ATP9A: variants seen among roughly 807,000 people sequenced by gnomAD.
The protein encoded by ATP9A is probable phospholipid-transporting ATPase IIA.
In ATP9A, 52 loss-of-function variants were observed where a neutral mutation model predicts 144.1. The ratio of observed to expected loss-of-function variants is 0.36; its 90% CI spans 0.29 to 0.45. The LOEUF (loss-of-function observed/expected upper bound fraction) is 0.45. Ranked by LOEUF, ATP9A falls within the 20% of genes least tolerant of loss-of-function variation. ATP9A has a pLI of 1.00. For synonymous variants in ATP9A, 582 were observed against 557.4 expected (o/e 1.04, Z -0.62); for missense variants, 947 against 1,392.7 (o/e 0.68, Z 5.09).
intron 13 of ATP9A, among the ~76,000 whole-genome samples, chr20:51,658,262 C>T (rs1301021515): frequency 6.6e-6 from 1 of 152,078 alleles, no homozygotes; most frequent in Non-Finnish European, 1.5e-5. Context: ...GAGTTCAAGA[C>T]CAGCCTGCCG....
At chr20:51,727,322 A>G (rs1293282153) in intron 2 of ATP9A, among the ~76,000 whole-genome samples, 1 of 151,932 alleles carries the variant, frequency 6.6e-6, no homozygotes. Flanking sequence ...GTGGTGGTAC[A>G]TGCCTGTAAT....
rs57250019 is a variant in ATP9A, at chr20:51,600,846, A to AC, written c.*364_*365insG. On this transcript the variant is annotated 3_prime_UTR_variant, in exon 28 of 28. Transcript: ENST00000338821. ...CACACACACACACACACACACACAC[A>AC]AGCCTTCTACAACCTTCAGCTACAC... 224 of 179,282 alleles carry AC rather than the reference A, an allele frequency of 1.2e-3. 1 individual carries two copies. Among genetic ancestry groups the AC allele is most frequent in the Non-Finnish European group, 2.1e-3 (184 of 86,372 alleles). 11.1% of individuals were successfully genotyped at this position (179,282 alleles called of 1,614,324 possible).
chr20:51,767,078 T>A (rs1264015294), intron 1 of ATP9A, among the ~76,000 whole-genome samples: 1 of 56,410 alleles, frequency 1.8e-5, no homozygotes, highest in Non-Finnish European at 4.3e-5. Flanking sequence ...CCATTCTTTT[T>A]TTTTTTTTTT....
At chr20:51,730,550 G>C (rs2077736498) in intron 1 of ATP9A, among the ~76,000 whole-genome samples, 1 of 152,212 alleles carries the variant, frequency 6.6e-6, no homozygotes, top group African/African-American at 2.4e-5. Context: ...AAGCGACAAG[G>C]ATACGCTCTA....
At chr20:51,622,307 C>T (rs959593865) in intron 18 of ATP9A, 135 bp from the exon 19 acceptor site, 18 of 688,108 alleles carry the variant, frequency 2.6e-5, no homozygotes, top group Non-Finnish European at 4.0e-5. Context: ...CATGCTGTCC[C>T]CAACACAACA....
At chr20:51,660,855 A>C (rs1424175999) in intron 13 of ATP9A, among the ~76,000 whole-genome samples, 1 of 152,142 alleles carries the variant, frequency 6.6e-6, no homozygotes, top group Non-Finnish European at 1.5e-5. Flanking sequence ...ATTTCTTCTT[A>C]CTTAAAAAAT....
intron 18 of ATP9A, among the ~76,000 whole-genome samples, chr20:51,623,251 A>C (rs772195473): frequency 2.5e-4 from 38 of 152,210 alleles, no homozygotes; most frequent in Admixed American, 5.2e-4. Context: ...TTGAGGTAAG[A>C]GAACAAACAC....
intron 1 of ATP9A, among the ~76,000 whole-genome samples, chr20:51,757,581 C>A (rs929256855): frequency 4.6e-5 from 7 of 152,148 alleles, no homozygotes; most frequent in African/African-American, 1.7e-4. Flanking sequence ...CTGTCTTCCC[C>A]CAGAGTTTCT....
intron 4 of ATP9A, among the ~76,000 whole-genome samples, chr20:51,706,749 C>T (rs2077616208): frequency 6.6e-6 from 1 of 152,146 alleles, no homozygotes; most frequent in Admixed American, 6.5e-5. Flanking sequence ...AATCCCATTT[C>T]AAAAATAAAG....
At chr20:51,639,111 C>CA (rs1182569758) in intron 15 of ATP9A, among the ~76,000 whole-genome samples, 2 of 152,152 alleles carry the variant, frequency 1.3e-5, no homozygotes, top group Non-Finnish European at 2.9e-5. Flanking sequence ...CCCCAATGGA[C>CA]GTTCTCTTTA....
At chr20:51,649,504 G>A (rs6021346) in intron 14 of ATP9A, among the ~76,000 whole-genome samples, 38,109 of 152,140 alleles carry the variant, frequency 0.25, 5,198 homozygotes, top group Non-Finnish European at 0.3. Context: ...TCTCACTGCC[G>A]TCAGTACCAC....
intron 1 of ATP9A, among the ~76,000 whole-genome samples, chr20:51,739,148 C>T (rs1028062326): frequency 6.6e-6 from 1 of 152,058 alleles, no homozygotes; most frequent in Non-Finnish European, 1.5e-5. Context: ...AAGGTTGCCT[C>T]CCCCTTTCCC....
In ATP9A at chr20:51,712,952, G is replaced by C. The variant is rs1252761046; in HGVS notation, c.436+14C>G. ...TGAGCTGCAACCCTGTGGCCCAGGA[G>C]CCAGAAGGCTGACCTCGTGCTGTGA... On this transcript the variant is annotated intron_variant, in intron 4 of 27. Transcript: ENST00000338821. 6.3e-7 allele frequency: 1 copy of C among 1,597,820 alleles called. No homozygotes were observed. The highest frequency in any genetic ancestry group is 8.5e-7 in the Non-Finnish European group (1 of 1,171,170).
Position 51,690,800 on chromosome 20 carries a change from G to A in ATP9A, c.662C>T (p.Ser221Leu), listed in dbSNP as rs755462958. The part of the protein sequence containing the change: ...PTAADLLQIR[S>L]YVYAEEPNID... ...ATTTGGCTCTTCTGCGTACACATACGATCGAATCTGAAGAAGGTCCTGTTC... is the reference window on the plus strand; with the variant it reads ...ATTTGGCTCTTCTGCGTACACATACAATCGAATCTGAAGAAGGTCCTGTTC... The change falls in exon 8 of 28, where the codon TCG becomes TTG. Residue 221 changes from serine (S) to leucine (L), a missense_variant. By Grantham distance (145) the Ser-to-Leu change is moderately radical. This residue lies in a region of ATP9A where 770 missense variants were observed against 1,047.9 expected (regional missense o/e 0.73). Coordinates refer to ENST00000338821, the MANE Select transcript of ATP9A (RefSeq NM_006045.3). 10 of 1,614,092 alleles carry A rather than the reference G, an allele frequency of 6.2e-6. No homozygotes were observed. The highest frequency in any genetic ancestry group is 2.7e-5 in the African/African-American group (2 of 75,042).
chr20:51,766,146 A>C (rs893490828), intron 1 of ATP9A, among the ~76,000 whole-genome samples: 1 of 152,186 alleles, frequency 6.6e-6, no homozygotes, highest in Non-Finnish European at 1.5e-5. Flanking sequence ...TTTTTCTTTC[A>C]TGTACTGACT....
At position 51,627,659 on chromosome 20, in the gene ATP9A, G is replaced by A; in HGVS notation, c.1786C>T (p.Leu596=). 4 of 1,614,214 alleles carry A rather than the reference G, an allele frequency of 2.5e-6. No homozygotes were observed. The highest frequency in any genetic ancestry group is 1.7e-6 in the Non-Finnish European group (2 of 1,180,034). Reference sequence around the variant, plus strand: ...TTCTTTGCCACCACGAGCACCCGCAGCCCTTCTCGGGCCATGTTGCCACAC... The same window carrying A: ...TTCTTTGCCACCACGAGCACCCGCAACCCTTCTCGGGCCATGTTGCCACAC... ...EECGNMAREG[L]RVLVVAKKSL... Residue 596 remains leucine (L), a synonymous_variant, in exon 17 of 28, where the codon CTG becomes TTG. Coordinates refer to ENST00000338821, the MANE Select transcript of ATP9A (RefSeq NM_006045.3).
intron 23 of ATP9A, among the ~76,000 whole-genome samples, chr20:51,610,817 T>C (rs918706636): frequency 6.6e-6 from 1 of 152,200 alleles, no homozygotes; most frequent in African/African-American, 2.4e-5. Flanking sequence ...CTTCTTATAT[T>C]ACATGTTTCG....
intron 14 of ATP9A, among the ~76,000 whole-genome samples, chr20:51,651,165 T>TACACAC (rs140658156): frequency 0.047 from 6,577 of 140,254 alleles, 684 homozygotes; most frequent in African/African-American, 0.16. Context: ...TATATATATA[T>TACACAC]ACACACACAC....
intron 18 of ATP9A, among the ~76,000 whole-genome samples, chr20:51,623,235 C>T (rs577605433): frequency 2.0e-5 from 3 of 152,272 alleles, no homozygotes; most frequent in African/African-American, 7.2e-5. Context: ...TCATAGTTCT[C>T]AGGGTTTGAG....
Sources: allele counts gnomAD v4.1 joint callset (sites outside exome capture counted in the v4.1 genomes callset), GRCh38; gene constraint gnomAD v4.1.1; regional missense constraint gnomAD v4.1.1; transcripts MANE v1.5; gene names NCBI Gene and HGNC (gene_info 2026-07-23, HGNC 2026-07-21).